The following PTPRT variants were observed in gnomAD, a reference collection of about 807,000 sequenced individuals.
The protein encoded by PTPRT is receptor-type tyrosine-protein phosphatase T.
In PTPRT, 56 loss-of-function variants were observed where a neutral mutation model predicts 176.8. That is an observed-to-expected ratio of 0.32 (90% confidence interval 0.26 to 0.40). PTPRT has a LOEUF of 0.40. PTPRT is among the 10% of genes least tolerant of loss of function. PTPRT has a pLI of 1.00. For synonymous variants in PTPRT, 783 were observed against 739.0 expected, an observed-to-expected ratio of 1.06 and a Z score of -0.96; for missense variants, 1,540 against 1,908.2, an observed-to-expected ratio of 0.81 and a Z score of 3.60.
At chr20:43,171,975 A>G (rs1250458318) in intron 1 of PTPRT, among the ~76,000 whole-genome samples, 2 of 152,202 alleles carry the variant, frequency 1.3e-5, no homozygotes, top group African/African-American at 2.4e-5. Flanking sequence ...GAGGTCATGT[A>G]GCCTCCTGGA....
At chr20:42,963,474 A>G (rs1982120351) in intron 1 of PTPRT, among the ~76,000 whole-genome samples, 1 of 151,800 alleles carries the variant, frequency 6.6e-6, no homozygotes, top group African/African-American at 2.4e-5. Flanking sequence ...TAAAAAATAA[A>G]AAATGAGTAG....
At position 42,559,646 on chromosome 20, in the gene PTPRT, C is replaced by T. The variant is rs749854862; in HGVS notation, c.1154-87084G>A. Among the ~76,000 whole-genome samples, 17 of 152,144 alleles carry T rather than the reference C, an allele frequency of 1.1e-4. No homozygotes were observed. The Middle Eastern group carries it at 0.01, about 91-fold the overall frequency. ...GTCTCTTCCATTGATGCTCTTTGACCCCTGACTTGAAGAAGCTGGGCTCTG... is the reference window on the plus strand; with the variant it reads ...GTCTCTTCCATTGATGCTCTTTGACTCCTGACTTGAAGAAGCTGGGCTCTG... On this transcript the variant is annotated intron_variant, in intron 7 of 30. Coordinates refer to ENST00000373187, the MANE Select transcript of PTPRT (RefSeq NM_007050.6).
At chr20:42,363,316 T>A (rs989380252) in intron 9 of PTPRT, among the ~76,000 whole-genome samples, 1 of 110,196 alleles carries the variant, frequency 9.1e-6, no homozygotes, top group Non-Finnish European at 1.8e-5. Context: ...TTTTTTTTTT[T>A]TTTTTTTTTT....
intron 1 of PTPRT, among the ~76,000 whole-genome samples, chr20:43,101,859 A>T (rs1409310307): frequency 6.6e-6 from 1 of 152,204 alleles, no homozygotes; most frequent in Non-Finnish European, 1.5e-5. Context: ...CAGATTATTG[A>T]TTATCTTCAT....
At chr20:43,023,211 C>G (rs983916184) in intron 1 of PTPRT, among the ~76,000 whole-genome samples, 1 of 152,204 alleles carries the variant, frequency 6.6e-6, no homozygotes, top group Non-Finnish European at 1.5e-5. Flanking sequence ...CCCTACACCT[C>G]TGAAGTGAGC....
intron 7 of PTPRT, among the ~76,000 whole-genome samples, chr20:42,653,257 T>C (rs566986881): frequency 6.6e-6 from 1 of 152,300 alleles, no homozygotes; most frequent in South Asian, 2.1e-4. Context: ...ACATGTTTGC[T>C]TCCCCTTCCA....
At chr20:43,083,283 T>G in intron 1 of PTPRT, among the ~76,000 whole-genome samples, 1 of 141,058 alleles carries the variant, frequency 7.1e-6, no homozygotes, top group Admixed American at 7.3e-5. Context: ...TTTTTTGAGG[T>G]ATAATTTATA....
chr20:43,028,563 C>T (rs914283147), intron 1 of PTPRT, among the ~76,000 whole-genome samples: 7 of 152,156 alleles, frequency 4.6e-5, no homozygotes, highest in African/African-American at 1.7e-4. Flanking sequence ...TTGGTCTTCT[C>T]CCCAGGGTTC....
intron 7 of PTPRT, among the ~76,000 whole-genome samples, chr20:42,519,454 C>T (rs62205780): frequency 0.033 from 5,037 of 152,130 alleles, 167 homozygotes; most frequent in African/African-American, 0.09. Context: ...ATAAACACTG[C>T]TTACACAAAA....
At chr20:42,706,179 T>TTGTGTGTGTGTGTG (rs369232610) in intron 6 of PTPRT, among the ~76,000 whole-genome samples, 1 of 123,452 alleles carries the variant, frequency 8.1e-6, no homozygotes, top group African/African-American at 2.7e-5. Context: ...CTCTCTCTGT[T>TTGTGTGTGTGTGTG]TGTGTGTGTG....
At chr20:42,032,720 T>C in the PTPRT span, among the ~76,000 whole-genome samples, 1 of 152,136 alleles carries the variant, frequency 6.6e-6, no homozygotes, top group Non-Finnish European at 1.5e-5. Flanking sequence ...TAAAAGGCAA[T>C]GCCTTCTCTC....
At chr20:42,740,260 G>A (rs935240182) in intron 6 of PTPRT, among the ~76,000 whole-genome samples, 9 of 152,138 alleles carry the variant, frequency 5.9e-5, no homozygotes, top group Admixed American at 5.2e-4. Context: ...AATGACAAAG[G>A]AGACAAAGCC....
At chr20:43,159,114 T>G (rs1022609981) in intron 1 of PTPRT, among the ~76,000 whole-genome samples, 35 of 152,188 alleles carry the variant, frequency 2.3e-4, no homozygotes, top group African/African-American at 8.2e-4. Flanking sequence ...GGGTGTGTTC[T>G]CAAGCCAGTT....
At chr20:42,275,420 A>T (rs1288233265) in intron 13 of PTPRT, among the ~76,000 whole-genome samples, 1 of 152,230 alleles carries the variant, frequency 6.6e-6, no homozygotes, top group Non-Finnish European at 1.5e-5. Context: ...GGTGTCTCTC[A>T]GATCTTGAGT....
intron 17 of PTPRT, 23 bp downstream of exon 17, chr20:42,161,329 T>G: frequency 6.2e-7 from 1 of 1,613,654 alleles, no homozygotes; most frequent in South Asian, 1.1e-5. Flanking sequence ...ATCAGGAAGT[T>G]TCCCCACAGG....
chr20:42,858,251 T>C (rs1403613588), intron 2 of PTPRT, among the ~76,000 whole-genome samples: 3 of 152,140 alleles, frequency 2.0e-5, no homozygotes, highest in African/African-American at 4.8e-5. Flanking sequence ...ATTATTGCAA[T>C]GGAGGAGAGA....
chr20:42,535,375 A>C (rs553965478), intron 7 of PTPRT, among the ~76,000 whole-genome samples: 6 of 152,134 alleles, frequency 3.9e-5, no homozygotes, highest in Non-Finnish European at 8.8e-5. Flanking sequence ...ATAGGGTCCT[A>C]CGCTTATTAC....
At chr20:43,092,105 G>A (rs1307488279) in intron 1 of PTPRT, among the ~76,000 whole-genome samples, 1 of 152,200 alleles carries the variant, frequency 6.6e-6, no homozygotes, top group East Asian at 1.9e-4. Context: ...ATGGGAAAGT[G>A]GTTTATTTGG....
chr20:42,527,407 A>G (rs1227486523), intron 7 of PTPRT, among the ~76,000 whole-genome samples: 1 of 152,212 alleles, frequency 6.6e-6, no homozygotes, highest in Non-Finnish European at 1.5e-5. Context: ...TCAGTCTTGC[A>G]GATATGCTGA....
Sources: allele counts gnomAD v4.1 joint callset (sites outside exome capture counted in the v4.1 genomes callset), GRCh38; gene constraint gnomAD v4.1.1; transcripts MANE v1.5; gene names NCBI Gene and HGNC (gene_info 2026-07-23, HGNC 2026-07-21).